Variants in RBFOX1 observed in about 807,000 individuals in gnomAD.
RBFOX1 encodes RNA binding fox-1 homolog 1.
RBFOX1 carries 8 observed loss-of-function variants against 57.7 expected under a neutral mutation model. The ratio of observed to expected loss-of-function variants is 0.14; its 90% confidence interval spans 0.08 to 0.25. The LOEUF is 0.25. RBFOX1 is among the 10% of genes least tolerant of loss of function. RBFOX1 has a pLI of 1.00. For missense variants in RBFOX1, 611 were observed against 548.5 expected, an observed-to-expected ratio of 1.11 and a Z score of -1.14; for synonymous variants, 326 against 222.4, an observed-to-expected ratio of 1.47 and a Z score of -4.15.
intron 1 of RBFOX1, among the ~76,000 whole-genome samples, chr16:6,214,299 G>A (rs565320662): frequency 1.3e-5 from 2 of 152,136 alleles, no homozygotes; most frequent in South Asian, 2.1e-4. Flanking sequence ...GGATGAAAGA[G>A]TAGGAGGGAG....
intron 3 of RBFOX1, among the ~76,000 whole-genome samples, chr16:6,953,315 G>C (rs2081138861): frequency 6.6e-6 from 1 of 152,056 alleles, no homozygotes; most frequent in Non-Finnish European, 1.5e-5. Context: ...GAAGATTTAT[G>C]GAGTCTCTTT....
intron 1 of RBFOX1, among the ~76,000 whole-genome samples, chr16:5,328,587 T>G (rs1596534700): frequency 6.6e-6 from 1 of 152,182 alleles, no homozygotes; most frequent in Admixed American, 6.5e-5. Context: ...TTTGAGTCAA[T>G]GAAACATACC....
intron 3 of RBFOX1, among the ~76,000 whole-genome samples, chr16:6,986,376 T>C (rs2090286012): frequency 6.6e-6 from 1 of 152,034 alleles, no homozygotes; most frequent in Non-Finnish European, 1.5e-5. Context: ...TTTTCCTGTT[T>C]CTAGTAGAGA....
At chr16:5,312,449 G>T (rs1029129171) in intron 1 of RBFOX1, among the ~76,000 whole-genome samples, 1 of 152,184 alleles carries the variant, frequency 6.6e-6, no homozygotes, top group African/African-American at 2.4e-5. Flanking sequence ...CTCCTGAGTA[G>T]CTGGGATTAC....
At chr16:5,502,988 T>C (rs2043253137) in intron 2 of RBFOX1, among the ~76,000 whole-genome samples, 2 of 152,242 alleles carry the variant, frequency 1.3e-5, no homozygotes, top group South Asian at 2.1e-4. Context: ...ACGTGTCCAA[T>C]ACACATCTCT....
chr16:6,615,568 TAA>T (rs59851539), intron 2 of RBFOX1, among the ~76,000 whole-genome samples: 22 of 138,822 alleles, frequency 1.6e-4, no homozygotes, highest in South Asian at 9.1e-4. Context: ...AATCTCCATC[TAA>T]AAAAAAAAAA....
intron 2 of RBFOX1, among the ~76,000 whole-genome samples, chr16:5,593,854 A>C (rs189810188): frequency 1.3e-5 from 2 of 152,288 alleles, no homozygotes; most frequent in Non-Finnish European, 2.9e-5. Context: ...GCGAGATCCA[A>C]GAACCCTCGT....
intron 3 of RBFOX1, among the ~76,000 whole-genome samples, chr16:5,741,176 G>A (rs2052757337): frequency 6.6e-6 from 1 of 152,136 alleles, no homozygotes; most frequent in African/African-American, 2.4e-5. Context: ...TCCACGAGCA[G>A]AGTCTCATCT....
chr16:6,738,619 C>T (rs1325922278), intron 3 of RBFOX1, among the ~76,000 whole-genome samples: 2 of 152,064 alleles, frequency 1.3e-5, no homozygotes, highest in African/African-American at 2.4e-5. Flanking sequence ...AAGAACTCAC[C>T]ACCATCAACC....
chr16:7,309,971 A>G (rs1376913570), intron 4 of RBFOX1, among the ~76,000 whole-genome samples: 1 of 152,182 alleles, frequency 6.6e-6, no homozygotes, highest in Non-Finnish European at 1.5e-5. Flanking sequence ...TCATCAATAA[A>G]GTTTCCTATT....
chr16:7,012,425 C>T (rs966038275), intron 3 of RBFOX1, among the ~76,000 whole-genome samples: 8 of 152,158 alleles, frequency 5.3e-5, no homozygotes, highest in African/African-American at 1.7e-4. Flanking sequence ...ATGGGTGTGT[C>T]ATAGGCAAGG....
intron 4 of RBFOX1, among the ~76,000 whole-genome samples, chr16:7,395,730 A>G (rs1327488884): frequency 6.6e-6 from 1 of 152,220 alleles, no homozygotes; most frequent in Non-Finnish European, 1.5e-5. Flanking sequence ...CCAAGGGACA[A>G]ATACATTTCT....
intron 5 of RBFOX1, among the ~76,000 whole-genome samples, chr16:7,542,155 G>A (rs529874861): frequency 1.3e-5 from 2 of 152,258 alleles, no homozygotes; most frequent in African/African-American, 4.8e-5. Flanking sequence ...AGAACATTCT[G>A]AACGGACTAT....
chr16:6,405,141 CAT>C (rs976089356), intron 2 of RBFOX1, among the ~76,000 whole-genome samples: 15 of 152,170 alleles, frequency 9.9e-5, no homozygotes, highest in African/African-American at 3.4e-4. Flanking sequence ...TACTCTATAA[CAT>C]AGAAATGTCT....
At chr16:6,169,378 A>G (rs1567604640) in intron 1 of RBFOX1, among the ~76,000 whole-genome samples, 1 of 152,306 alleles carries the variant, frequency 6.6e-6, no homozygotes, top group East Asian at 1.9e-4. Flanking sequence ...TTGAATTCTT[A>G]TACATGGAAG....
At chr16:7,396,912 G>T (rs1304084013) in intron 4 of RBFOX1, among the ~76,000 whole-genome samples, 1 of 152,146 alleles carries the variant, frequency 6.6e-6, no homozygotes, top group African/African-American at 2.4e-5. Flanking sequence ...CTGCACTCCG[G>T]CCTGGGCTAT....
intron 2 of RBFOX1, among the ~76,000 whole-genome samples, chr16:6,499,530 G>C (rs1050932496): frequency 6.6e-6 from 1 of 152,122 alleles, no homozygotes; most frequent in South Asian, 2.1e-4. Flanking sequence ...ATTGGATTGG[G>C]TGTATTTTTC....
chr16:5,423,616 C>T (rs1337116212), intron 1 of RBFOX1, among the ~76,000 whole-genome samples: 1 of 152,178 alleles, frequency 6.6e-6, no homozygotes, highest in African/African-American at 2.4e-5. Context: ...TGTCTGTGAG[C>T]AGGGGCGGCC....
At chr16:6,951,091 G>C (rs1428380166) in intron 3 of RBFOX1, among the ~76,000 whole-genome samples, 1 of 151,974 alleles carries the variant, frequency 6.6e-6, no homozygotes, top group East Asian at 1.9e-4. Flanking sequence ...ATTTTTTGTA[G>C]AGACAGGGAC....
Sources: gnomAD v4.1 joint callset for allele counts (sites outside exome capture counted in the v4.1 genomes callset) on GRCh38, gnomAD v4.1.1 for gene constraint, MANE v1.5 for transcripts, NCBI Gene and HGNC (gene_info 2026-07-23, HGNC 2026-07-21) for gene names.